PRCP: variants seen among roughly 807,000 people sequenced by gnomAD.
PRCP encodes prolylcarboxypeptidase.
A neutral mutation model predicts 54.2 loss-of-function variants in PRCP; 46 were observed. The observed-to-expected ratio is 0.85, with a 90% confidence interval of 0.67 to 1.09. The LOEUF is 1.09. Among genes scored for constraint, PRCP ranks in the 50% least tolerant of loss-of-function variants. PRCP has a pLI of 0.00. For missense variants in PRCP, 613 were observed against 596.8 expected (o/e 1.03, Z -0.28); for synonymous variants, 240 against 212.2 (o/e 1.13, Z -1.14).
At chr11:82,831,119 C>T (rs187876902) in intron 8 of PRCP, 1 of 148,062 alleles carries the variant, frequency 6.8e-6, no homozygotes, top group African/African-American at 2.5e-5. Flanking sequence ...ATTCCCCCAA[C>T]AGGGAGCTTC....
rs573700421 is a variant in PRCP, at chr11:82,876,365, C to G, written c.169-16248G>C. 3.9e-5 allele frequency among the ~76,000 whole-genome samples: 6 copies of G among 152,334 alleles called. No homozygotes were observed. In the South Asian group the frequency reaches 8.3e-4, roughly 21 times the overall value. ...AAGGCTCAAAAAGTACTCCCAGTGACTGATAACCATCAATAACTTTATACT... is the reference window on the plus strand; with the variant it reads ...AAGGCTCAAAAAGTACTCCCAGTGAGTGATAACCATCAATAACTTTATACT... On this transcript the variant is annotated intron_variant, in intron 1 of 8. Transcript: ENST00000313010.
At chr11:82,848,905 G>C in intron 6 of PRCP, 144 bp downstream of exon 6, 1 of 772,346 alleles carries the variant, frequency 1.3e-6, no homozygotes, top group Non-Finnish European at 2.0e-6. Flanking sequence ...TCAGAAAGTA[G>C]CAGAACCCAG....
At chr11:82,845,971 A>G (rs1164762454) in intron 6 of PRCP, 1 of 152,284 alleles carries the variant, frequency 6.6e-6, no homozygotes, top group Non-Finnish European at 1.5e-5. Context: ...AAGACAAATT[A>G]AAAGGAACGA....
At chr11:82,849,297 A>G (rs1176142947) in intron 5 of PRCP, 79 bp from the exon 6 acceptor site, 8 of 1,466,600 alleles carry the variant, frequency 5.5e-6, no homozygotes, top group Non-Finnish European at 6.5e-6. Context: ...TTCTTCACAT[A>G]GTATTTTAGA....
rs1858911306 is a variant in PRCP, at chr11:82,850,050, A to G, written c.615T>C (p.Pro205=). The change falls in exon 5 of 9, where the codon CCT becomes CCC. Residue 205 remains proline (P), a synonymous_variant. Transcript: ENST00000313010. ...GTACTAAATCCTCAAACTGCCAGAT[A>G]GGGGCAGAAGCTGCAAGAGCTCTAA... ...MVVGALAASA[P]IWQFEDLVPC... is the part of the protein sequence containing the mutation. 2.1e-6 allele frequency: 3 copies of G among 1,432,638 alleles called. No homozygotes were observed. The highest frequency in any genetic ancestry group is 2.8e-6 in the Non-Finnish European group (3 of 1,088,000). 88.7% of individuals were successfully genotyped at this position (1,432,638 alleles called of 1,614,324 possible). A position where few individuals can be genotyped will look rare whatever the true frequency, so the allele number is the denominator to read the frequency against.
At chr11:82,872,335 T>C (rs1485104159) in intron 1 of PRCP, among the ~76,000 whole-genome samples, 1 of 152,200 alleles carries the variant, frequency 6.6e-6, no homozygotes, top group Non-Finnish European at 1.5e-5. Context: ...CCAAAATTTA[T>C]GTCCTTCCTA....
At chr11:82,840,956 G>A (rs567618435) in intron 6 of PRCP, 1 of 146,120 alleles carries the variant, frequency 6.8e-6, no homozygotes, top group South Asian at 2.1e-4. Flanking sequence ...TAGTCCCAGT[G>A]GCAAGGCAAA....
intron 1 of PRCP, among the ~76,000 whole-genome samples, chr11:82,885,165 G>A (rs1438169743): frequency 1.3e-5 from 2 of 152,158 alleles, no homozygotes; most frequent in Non-Finnish European, 2.9e-5. Flanking sequence ...CAAATATGAT[G>A]TGGCCTGGTA....
chr11:82,871,177 CTTTTTTT>C (rs146234682), intron 1 of PRCP, among the ~76,000 whole-genome samples: 121 of 117,392 alleles, frequency 1.0e-3, no homozygotes, highest in Middle Eastern at 4.5e-3. Flanking sequence ...AAATGTTTCT[CTTTTTTT>C]TTTTTTTTTT....
intron 1 of PRCP, among the ~76,000 whole-genome samples, chr11:82,868,696 T>C (rs561808495): frequency 1.3e-5 from 2 of 152,282 alleles, no homozygotes; most frequent in East Asian, 3.9e-4. Flanking sequence ...CAGGAACTGT[T>C]GTTTTACGGC....
chr11:82,901,298 C>T (rs1860288647), upstream of PRCP, among the ~76,000 whole-genome samples: 1 of 152,094 alleles, frequency 6.6e-6, no homozygotes, highest in Admixed American at 6.5e-5. Flanking sequence ...TTCTCCGGCA[C>T]CCGAAAACCC....
chr11:82,833,584 G>T (rs181782683), intron 8 of PRCP, among the ~76,000 whole-genome samples: 14 of 152,224 alleles, frequency 9.2e-5, no homozygotes, highest in Non-Finnish European at 1.5e-4. Flanking sequence ...CCATTCCTGG[G>T]TATATACTCC....
At chr11:82,835,717 C>T (rs1408662795) in intron 8 of PRCP, 1 of 333,096 alleles carries the variant, frequency 3.0e-6, no homozygotes, top group African/African-American at 2.2e-5. Flanking sequence ...ACTTGAACTT[C>T]TTTAATCAGA....
chr11:82,832,263 T>A (rs1858405816), intron 8 of PRCP, among the ~76,000 whole-genome samples: 1 of 152,148 alleles, frequency 6.6e-6, no homozygotes, highest in African/African-American at 2.4e-5. Context: ...TGGCTCTAGA[T>A]CCTGGAGGAA....
chr11:82,887,589 A>T (rs1407940579), intron 1 of PRCP, among the ~76,000 whole-genome samples: 1 of 152,184 alleles, frequency 6.6e-6, no homozygotes, highest in Non-Finnish European at 1.5e-5. Context: ...TTTGAACTGA[A>T]GAACACTGGA....
chr11:82,871,986 C>T (rs932465806), intron 1 of PRCP, among the ~76,000 whole-genome samples: 1 of 152,152 alleles, frequency 6.6e-6, no homozygotes, highest in Non-Finnish European at 1.5e-5. Flanking sequence ...TACCCATGGT[C>T]AACCATGGTC....
intron 1 of PRCP, among the ~76,000 whole-genome samples, chr11:82,869,690 G>C (rs181769274): frequency 6.6e-6 from 1 of 152,276 alleles, no homozygotes; most frequent in African/African-American, 2.4e-5. Context: ...GTAAATGAAT[G>C]CATGCATGCA....
chr11:82,851,753 C>T lies in PRCP; in HGVS notation c.412-1248G>A, dbSNP rs181386066. Among the ~76,000 whole-genome samples, 5 of 152,230 alleles carry T rather than the reference C, an allele frequency of 3.3e-5. No homozygotes were observed. The South Asian group carries it at 1.0e-3, about 32-fold the overall frequency. On this transcript the variant is annotated intron_variant, in intron 3 of 8. Transcript: ENST00000313010. ...GTTTGACTTTCATGCTTTGGTCTCA[C>T]CATCCTGATTTCTTCCATCATCTGG...
chr11:82,829,517 T>A (rs1235605441), intron 8 of PRCP: 1 of 152,204 alleles, frequency 6.6e-6, no homozygotes, highest in Non-Finnish European at 1.5e-5. Flanking sequence ...TCTTCCCTGG[T>A]CACTCTAATA....
Sources: gnomAD v4.1 joint callset for allele counts (sites outside exome capture counted in the v4.1 genomes callset) on GRCh38, gnomAD v4.1.1 for gene constraint, MANE v1.5 for transcripts, NCBI Gene and HGNC (gene_info 2026-07-23, HGNC 2026-07-21) for gene names.